LARGE1: variants seen among roughly 807,000 people sequenced by gnomAD.
LARGE1 encodes the protein LARGE xylosyl- and glucuronyltransferase 1.
In LARGE1, 43 loss-of-function variants were observed where a neutral mutation model predicts 87.6. The ratio of observed to expected loss-of-function variants is 0.49; its 90% CI spans 0.38 to 0.63. LARGE1 has a LOEUF of 0.63. LARGE1 is among the 30% of genes least tolerant of loss of function. The pLI, the probability that LARGE1 is intolerant of heterozygous loss-of-function variation, is 0.00. For missense variants in LARGE1, 802 were observed against 1,000.2 expected (o/e 0.80, Z 2.67); for synonymous variants, 434 against 394.6 (o/e 1.10, Z -1.18).
At chr22:33,130,175 G>A in the LARGE1 span, among the ~76,000 whole-genome samples, 9 of 151,440 alleles carry the variant, frequency 5.9e-5, no homozygotes, top group African/African-American at 1.5e-4. Context: ...TTAGCCGGGC[G>A]TGGTGGTGGG....
chr22:33,809,821 G>A (rs1229720036), intron 1 of LARGE1, among the ~76,000 whole-genome samples: 2 of 151,782 alleles, frequency 1.3e-5, no homozygotes, highest in African/African-American at 4.8e-5. Flanking sequence ...CATCTCAATT[G>A]GGGTGCTAAA....
chr22:33,720,924 C>T (rs1346580250), intron 2 of LARGE1, among the ~76,000 whole-genome samples: 1 of 152,202 alleles, frequency 6.6e-6, no homozygotes, highest in Non-Finnish European at 1.5e-5. Context: ...GGAATGCCCT[C>T]CTCAAGCAGG....
intron 3 of LARGE1, among the ~76,000 whole-genome samples, chr22:33,633,579 C>G (rs577932722): frequency 1.2e-4 from 19 of 152,348 alleles, no homozygotes; most frequent in Admixed American, 5.9e-4. Flanking sequence ...CTTCAACACC[C>G]TGCCAGCCCT....
At chr22:33,463,311 T>C (rs2068455016) in intron 6 of LARGE1, among the ~76,000 whole-genome samples, 1 of 150,802 alleles carries the variant, frequency 6.6e-6, no homozygotes, top group Non-Finnish European at 1.5e-5. Context: ...CAAAAAAAGC[T>C]GATGAATTTG....
the LARGE1 span, among the ~76,000 whole-genome samples, chr22:33,150,865 T>A: frequency 6.6e-6 from 1 of 152,244 alleles, no homozygotes; most frequent in Non-Finnish European, 1.5e-5. Context: ...ATAGTAAGTT[T>A]ATAAATCCTG....
At chr22:33,313,210 G>C (rs905143563) in intron 11 of LARGE1, among the ~76,000 whole-genome samples, 2 of 152,018 alleles carry the variant, frequency 1.3e-5, no homozygotes, top group African/African-American at 4.8e-5. Context: ...CGTCTTCTCT[G>C]TCCCGTGAAC....
At chr22:33,459,705 C>T (rs551617155) in intron 6 of LARGE1, among the ~76,000 whole-genome samples, 3 of 140,200 alleles carry the variant, frequency 2.1e-5, no homozygotes, top group Non-Finnish European at 4.6e-5. Context: ...TACATTACAC[C>T]GCCAGCCCAG....
At position 33,651,409 on chromosome 22, in the gene LARGE1, A is replaced by G. The variant is rs544455904; in HGVS notation, c.107-741T>C. Among the ~76,000 whole-genome samples, 532 of 150,042 alleles carry G rather than the reference A, an allele frequency of 3.5e-3. 4 individuals are homozygous for G. Among genetic ancestry groups the G allele is most frequent in the African/African-American group, 0.011 (459 of 40,942 alleles). ...CGTCTCAAAAAAAAAAAAAAAAAAA[A>G]AGAAAAAAGATAATAATAATGACTA... On this transcript the variant is annotated intron_variant, in intron 2 of 14. Transcript: ENST00000397394.
intron 14 of LARGE1, among the ~76,000 whole-genome samples, chr22:33,276,030 A>G (rs760625420): frequency 3.9e-5 from 6 of 152,184 alleles, no homozygotes; most frequent in Non-Finnish European, 8.8e-5. Flanking sequence ...ACGCCTCTCA[A>G]TCACCTGGGG....
chr22:33,365,435 C>G (rs1361250050), intron 9 of LARGE1, among the ~76,000 whole-genome samples: 3 of 152,116 alleles, frequency 2.0e-5, no homozygotes, highest in African/African-American at 7.2e-5. Flanking sequence ...TTTTCACTTC[C>G]CTGATGAACA....
intron 1 of LARGE1, among the ~76,000 whole-genome samples, chr22:33,889,900 G>A (rs1601858435): frequency 6.6e-6 from 1 of 152,266 alleles, no homozygotes; most frequent in African/African-American, 2.4e-5. Flanking sequence ...CCCCGCCCTT[G>A]TGTAGTGTGA....
intron 7 of LARGE1, among the ~76,000 whole-genome samples, chr22:33,415,912 T>C (rs2066470385): frequency 6.6e-6 from 1 of 152,184 alleles, no homozygotes; most frequent in Non-Finnish European, 1.5e-5. Flanking sequence ...CTGAACTGCC[T>C]GGTTACCGTT....
At chr22:33,701,618 G>A (rs1356232416) in intron 2 of LARGE1, among the ~76,000 whole-genome samples, 2 of 152,184 alleles carry the variant, frequency 1.3e-5, no homozygotes, top group Non-Finnish European at 2.9e-5. Flanking sequence ...GTTGCAGGCT[G>A]GCAGCCAAAA....
chr22:33,687,385 C>CT (rs35130764), intron 2 of LARGE1, among the ~76,000 whole-genome samples: 3,144 of 143,668 alleles, frequency 0.022, 102 homozygotes, highest in East Asian at 0.081. Flanking sequence ...TACCTTGCTG[C>CT]TTTTTTTTTT....
At chr22:33,751,828 C>T (rs936625732) in intron 2 of LARGE1, among the ~76,000 whole-genome samples, 2 of 151,624 alleles carry the variant, frequency 1.3e-5, no homozygotes, top group African/African-American at 2.4e-5. Context: ...AGTGCAGTGG[C>T]ATGATCTTGG....
intron 11 of LARGE1, among the ~76,000 whole-genome samples, chr22:33,226,296 C>T (rs746480861): frequency 6.6e-5 from 10 of 152,260 alleles, no homozygotes; most frequent in South Asian, 2.1e-4. Context: ...GGCCACTTTG[C>T]ACATTGCTAT....
intron 2 of LARGE1, among the ~76,000 whole-genome samples, chr22:33,662,847 T>C (rs986975124): frequency 8.5e-5 from 13 of 152,168 alleles, no homozygotes; most frequent in Admixed American, 2.0e-4. Context: ...CTCAGCTCCA[T>C]TGTAAATTAA....
intron 7 of LARGE1, among the ~76,000 whole-genome samples, chr22:33,420,226 A>G (rs1000729663): frequency 1.1e-4 from 17 of 152,228 alleles, no homozygotes; most frequent in African/African-American, 4.1e-4. Flanking sequence ...AACAACAAAT[A>G]CTTAGTGCCT....
At chr22:33,195,067 A>G (rs1268614012) in intron 11 of LARGE1, among the ~76,000 whole-genome samples, 2 of 152,224 alleles carry the variant, frequency 1.3e-5, no homozygotes, top group Non-Finnish European at 2.9e-5. Context: ...TCTGTGTTCA[A>G]GCATTTATCA....
Sources: gnomAD v4.1 joint callset for allele counts (sites outside exome capture counted in the v4.1 genomes callset) on GRCh38, gnomAD v4.1.1 for gene constraint, MANE v1.5 for transcripts, NCBI Gene and HGNC (gene_info 2026-07-23, HGNC 2026-07-21) for gene names.